Variants in GYG2 observed in about 807,000 individuals in gnomAD.
The protein encoded by GYG2 is glycogenin-2.
GYG2 carries 29 observed loss-of-function variants against 29.4 expected under a neutral mutation model. The ratio of observed to expected loss-of-function variants is 0.99; its 90% confidence interval spans 0.74 to 1.35. GYG2 has a LOEUF of 1.35. GYG2 is among the 40% of genes most tolerant of loss of function. GYG2 has a pLI of 0.00. For missense variants in GYG2, 370 were observed against 385.7 expected, an observed-to-expected ratio of 0.96 and a Z score of 0.34; for synonymous variants, 167 against 172.3, an observed-to-expected ratio of 0.97 and a Z score of 0.24.
At position 2,861,973 on chromosome X, in the gene GYG2, C is replaced by A. The variant is rs752669026; in HGVS notation, c.1038+251C>A. 1.1e-4 allele frequency among the ~76,000 whole-genome samples: 12 copies of A among 111,814 alleles called. No homozygotes were observed. In the South Asian group the frequency reaches 4.6e-3, roughly 42 times the overall value. On this transcript the variant is annotated intron_variant, in intron 8 of 10. Coordinates refer to ENST00000398806, the MANE Select transcript of GYG2 (RefSeq NM_001079855.2). ...AATGTCACCTTGTGTGGCAAAAGGG[C>A]GTTTGCAGTTGTGATTAAATGAGGG...
intron 3 of GYG2, among the ~76,000 whole-genome samples, chrX:2,847,924 G>C (rs2087779865): frequency 9.0e-6 from 1 of 111,620 alleles, no homozygotes; most frequent in South Asian, 3.7e-4. Flanking sequence ...CCGCCCACCA[G>C]ATGCCGGCAG....
intron 8 of GYG2, among the ~76,000 whole-genome samples, chrX:2,870,544 C>T (rs2147257158): frequency 9.0e-6 from 1 of 111,715 alleles, no homozygotes; most frequent in African/African-American, 3.2e-5. Flanking sequence ...TCCCATATAT[C>T]TATGACACAG....
intron 3 of GYG2, among the ~76,000 whole-genome samples, chrX:2,851,170 A>G (rs2147189896): frequency 8.9e-6 from 1 of 112,104 alleles, no homozygotes; most frequent in South Asian, 3.8e-4. Context: ...AAATGGATGC[A>G]TTTGATATGA....
At chrX:2,879,943 A>G (rs1364567206) in intron 10 of GYG2, among the ~76,000 whole-genome samples, 2 of 111,546 alleles carry the variant, frequency 1.8e-5, no homozygotes, top group Admixed American at 1.9e-4. Flanking sequence ...GAGTGGATAG[A>G]TAGAACATAG....
intron 8 of GYG2, among the ~76,000 whole-genome samples, chrX:2,869,026 A>AG (rs1569072313): frequency 9.2e-6 from 1 of 109,264 alleles, no homozygotes; most frequent in African/African-American, 3.3e-5. Flanking sequence ...TAAAAAAAAA[A>AG]AAAAGAGGGA....
intron 3 of GYG2, among the ~76,000 whole-genome samples, chrX:2,847,458 G>A (rs979971783): frequency 9.5e-6 from 1 of 105,256 alleles, no homozygotes; most frequent in South Asian, 4.3e-4. Context: ...GGAGGCTGAA[G>A]CAGGTGGATC....
chrX:2,851,893 A>G (rs2087880633), intron 3 of GYG2, among the ~76,000 whole-genome samples: 1 of 111,591 alleles, frequency 9.0e-6, no homozygotes, highest in African/African-American at 3.3e-5. Context: ...CATTCCTTCT[A>G]TTTCAATTAC....
At chrX:2,862,641 C>T (rs2088196955) in intron 8 of GYG2, among the ~76,000 whole-genome samples, 1 of 111,829 alleles carries the variant, frequency 8.9e-6, no homozygotes, top group African/African-American at 3.3e-5. Context: ...GCCGAGTCTG[C>T]AGCACTTTGT....
intron 8 of GYG2, among the ~76,000 whole-genome samples, chrX:2,872,365 G>A (rs1288430720): frequency 9.2e-6 from 1 of 109,198 alleles, no homozygotes; most frequent in Admixed American, 9.7e-5. Context: ...TATGCAAGGG[G>A]GAAGTGTCTA....
At chrX:2,829,693 C>T (rs1408937777) in intron 1 of GYG2, among the ~76,000 whole-genome samples, 1 of 105,853 alleles carries the variant, frequency 9.4e-6, no homozygotes, top group Non-Finnish European at 2.0e-5. Flanking sequence ...CGGGGGGCGC[C>T]AGCTGGGGTG....
chrX:2,873,691 T>C (rs1187479933), intron 8 of GYG2, among the ~76,000 whole-genome samples: 3 of 111,543 alleles, frequency 2.7e-5, no homozygotes, highest in African/African-American at 9.8e-5. Flanking sequence ...CTTGTGTAAC[T>C]AAAACTTCAT....
At chrX:2,846,055 ATTTTTTTT>A (rs374480210) in intron 3 of GYG2, among the ~76,000 whole-genome samples, 2 of 38,679 alleles carry the variant, frequency 5.2e-5, no homozygotes, top group Admixed American at 4.5e-4. Context: ...ATATATATAT[ATTTTTTTT>A]TTTTTTTTTT....
intron 2 of GYG2, among the ~76,000 whole-genome samples, chrX:2,836,710 C>T (rs1173837658): frequency 1.9e-5 from 2 of 106,387 alleles, no homozygotes; most frequent in Admixed American, 1.0e-4. Context: ...CACAGAAGGA[C>T]ACCTGTAGTC....
intron 3 of GYG2, among the ~76,000 whole-genome samples, chrX:2,846,626 T>C (rs1201305074): frequency 9.1e-6 from 1 of 110,114 alleles, no homozygotes; most frequent in Non-Finnish European, 1.9e-5. Flanking sequence ...GCACCTATAG[T>C]CCCAGCTAGT....
Position 2,877,266 on chromosome X carries a change from G to A in GYG2, c.1210G>A (p.Ala404Thr). ...CTTCGAACCAAGCCAGGAACTCCCT[G>A]CTGAGGCTCTCAGGGACCCCAGTCT... The part of the protein sequence containing the change: ...ETFEPSQELP[A>T]EALRDPSLQD... Residue 404 changes from alanine to threonine, a missense_variant, in exon 10 of 11, where the codon GCT becomes ACT. By Grantham distance (58) the Ala-to-Thr change is moderately conservative. Coordinates refer to ENST00000398806, the MANE Select transcript of GYG2 (RefSeq NM_001079855.2). 1 of 1,210,877 alleles carries A rather than the reference G, an allele frequency of 8.3e-7. No individual in the cohort carries two copies. Among genetic ancestry groups the A allele is most frequent in the Non-Finnish European group, 1.1e-6 (1 of 894,988 alleles).
At chrX:2,856,729 C>G (rs866595182) in intron 6 of GYG2, 105 bp downstream of exon 6, 1 of 546,309 alleles carries the variant, frequency 1.8e-6, no homozygotes, top group Non-Finnish European at 2.9e-6. Context: ...CTCTATCTAT[C>G]TATCTATCAT....
intron 10 of GYG2, among the ~76,000 whole-genome samples, chrX:2,878,889 G>T (rs1376624562): frequency 1.8e-5 from 2 of 112,020 alleles, no homozygotes; most frequent in Non-Finnish European, 1.9e-5. Context: ...GTGCTGTTTT[G>T]TCTTGAAAAC....
At chrX:2,866,999 G>T (rs1331297881) in intron 8 of GYG2, among the ~76,000 whole-genome samples, 1 of 110,098 alleles carries the variant, frequency 9.1e-6, no homozygotes, top group Non-Finnish European at 1.9e-5. Context: ...GAGAATCGCC[G>T]GTTTCCAGGG....
chrX:2,831,243 T>C (rs1204151667), intron 2 of GYG2, among the ~76,000 whole-genome samples: 1 of 112,607 alleles, frequency 8.9e-6, no homozygotes, highest in Non-Finnish European at 1.9e-5. Context: ...ATTTTTTAAA[T>C]TTTGTAGAGA....
Sources: allele counts gnomAD v4.1 joint callset (sites outside exome capture counted in the v4.1 genomes callset), GRCh38; gene constraint gnomAD v4.1.1; transcripts MANE v1.5; gene names NCBI Gene and HGNC (gene_info 2026-07-23, HGNC 2026-07-21).